Variants in DDX60L observed in about 807,000 individuals in gnomAD.
DDX60L encodes probable ATP-dependent RNA helicase DDX60-like.
A neutral mutation model predicts 211.6 loss-of-function variants in DDX60L; 191 were observed. The ratio of observed to expected loss-of-function variants is 0.90; its 90% CI spans 0.80 to 1.02. DDX60L has a LOEUF of 1.02. Among genes scored for constraint, DDX60L ranks in the 50% least tolerant of loss-of-function variants. The probability of loss-of-function intolerance (pLI) is 0.00; values close to 1 mark genes in which losing one functional copy is unlikely to be tolerated. For missense variants in DDX60L, 2,007 were observed against 1,984.1 expected (o/e 1.01, Z -0.22); for synonymous variants, 706 against 694.1 (o/e 1.02, Z -0.27).
intron 8 of DDX60L, among the ~76,000 whole-genome samples, chr4:168,450,000 T>A (rs1005322910): frequency 5.3e-5 from 8 of 152,094 alleles, no homozygotes; most frequent in Non-Finnish European, 8.8e-5. Flanking sequence ...CAGTTTATAG[T>A]TTGAAACAAA....
At position 168,471,993 on chromosome 4, in the gene DDX60L, C is replaced by A; in HGVS notation, c.75-57G>T. The stretch of plus-strand genomic sequence containing the variant: ...CAGATGTTTCACAGAGACTTTGTTG[C>A]TGTTGTTGTTACTATTATTGCATAA... On this transcript the variant is annotated intron_variant, in intron 3 of 37. Coordinates refer to ENST00000682922, the MANE Select transcript of DDX60L (RefSeq NM_001012967.3). 3.6e-6 allele frequency: 5 copies of A among 1,393,858 alleles called. No individual in the cohort carries two copies. The South Asian group carries it at 6.4e-5, about 18-fold the overall frequency. 86.3% of individuals were successfully genotyped at this position (1,393,858 alleles called of 1,614,324 possible).
intron 26 of DDX60L, among the ~76,000 whole-genome samples, chr4:168,396,400 T>A (rs1745800424): frequency 6.6e-6 from 1 of 151,964 alleles, no homozygotes; most frequent in African/African-American, 2.4e-5. Flanking sequence ...CTCAGGAAAA[T>A]TTCTGCTACT....
intron 9 of DDX60L, 75 bp from the exon 10 acceptor site, chr4:168,441,567 T>A: frequency 2.5e-6 from 3 of 1,217,522 alleles, no homozygotes; most frequent in Non-Finnish European, 3.5e-6. Context: ...CTTTTTTGAA[T>A]AAATTCATAG....
At chr4:168,384,862 T>C in intron 29 of DDX60L, 50 bp from the exon 30 acceptor site, 2 of 1,529,172 alleles carry the variant, frequency 1.3e-6, no homozygotes, top group Non-Finnish European at 1.8e-6. Flanking sequence ...ATAATTATCC[T>C]ATGAAGTCCA....
At chr4:168,432,813 T>C (rs566761442) in intron 11 of DDX60L, among the ~76,000 whole-genome samples, 197 bp downstream of exon 11, 1 of 151,144 alleles carries the variant, frequency 6.6e-6, no homozygotes, top group East Asian at 1.9e-4. Flanking sequence ...TTCAAAATAA[T>C]ATAGATTTTT....
At chr4:168,378,044 C>CT (rs1742287086) in intron 33 of DDX60L, among the ~76,000 whole-genome samples, 1 of 152,134 alleles carries the variant, frequency 6.6e-6, no homozygotes, top group Admixed American at 6.6e-5. Flanking sequence ...CCCAATGGAA[C>CT]TATAGGTTCA....
At chr4:168,358,326 A>G in intron 37 of DDX60L, 50 bp from the exon 38 acceptor site, 1 of 1,308,572 alleles carries the variant, frequency 7.6e-7, no homozygotes. Context: ...ACATTTTTAT[A>G]ACAATCAATA....
intron 14 of DDX60L, among the ~76,000 whole-genome samples, chr4:168,426,385 G>C (rs1398766359): frequency 6.6e-6 from 1 of 152,156 alleles, no homozygotes; most frequent in East Asian, 1.9e-4. Flanking sequence ...CGGAGATAAA[G>C]AGCCCAGGTA....
chr4:168,478,874 G>A (rs1451777760), intron 1 of DDX60L, among the ~76,000 whole-genome samples: 6 of 152,170 alleles, frequency 3.9e-5, no homozygotes, highest in African/African-American at 7.2e-5. Context: ...GAAGGGGAAA[G>A]TAGTAGAGAA....
chr4:168,460,410 C>T (rs1434236599), intron 5 of DDX60L, among the ~76,000 whole-genome samples: 1 of 152,120 alleles, frequency 6.6e-6, no homozygotes, highest in Non-Finnish European at 1.5e-5. Context: ...AGGGTCCTTC[C>T]TCCATGTTAC....
At chr4:168,384,952 G>T in intron 29 of DDX60L, 140 bp from the exon 30 acceptor site, 1 of 892,996 alleles carries the variant, frequency 1.1e-6, no homozygotes, top group Non-Finnish European at 1.7e-6. Flanking sequence ...ATGTTAACAT[G>T]GCACTTAAAA....
At chr4:168,409,295 A>G (rs917250448) in intron 22 of DDX60L, among the ~76,000 whole-genome samples, 1 of 152,202 alleles carries the variant, frequency 6.6e-6, no homozygotes, top group African/African-American at 2.4e-5. Flanking sequence ...TACTCCATTA[A>G]TAGCTACTGA....
chr4:168,464,784 C>T (rs1414369404), intron 4 of DDX60L, among the ~76,000 whole-genome samples: 1 of 152,020 alleles, frequency 6.6e-6, no homozygotes, highest in Non-Finnish European at 1.5e-5. Flanking sequence ...CCCTATGGTG[C>T]AATAATGTCC....
intron 9 of DDX60L, among the ~76,000 whole-genome samples, chr4:168,447,396 G>A (rs962999287): frequency 6.8e-6 from 1 of 147,896 alleles, no homozygotes. Context: ...GTGCTGGAGA[G>A]GATGTGGAGA....
rs191261737 is a variant in DDX60L, at chr4:168,439,659, C to A, written c.1294+1678G>T. On this transcript the variant is annotated intron_variant, in intron 10 of 37. Transcript: ENST00000682922. ...CAGACTATTATTAAAAATCAACAAG[C>A]CAATTATAAAATTTAAATGAAAATG... Among the ~76,000 whole-genome samples the A allele has an allele frequency of 2.8e-3, 426 of 152,102 alleles. 7 individuals are homozygous for A. The highest frequency in any genetic ancestry group is 3.4e-3 in the Non-Finnish European group (230 of 68,000).
In DDX60L at chr4:168,384,728, G is replaced by T; in HGVS notation, c.4000C>A (p.Leu1334Ile). 6.2e-7 allele frequency: 1 copy of T among 1,613,818 alleles called. No homozygotes were observed. Among genetic ancestry groups the T allele is most frequent in the South Asian group, 1.1e-5 (1 of 91,068 alleles). ...FDIPLPKIKR[L>I]LASSVPELRG... is the part of the protein sequence containing the mutation. ...AGCTCAGGAACACTGGATGCAAGGAGTCTTTTTATTTTGGGCAATGGGATA... is the reference window on the plus strand; with the variant it reads ...AGCTCAGGAACACTGGATGCAAGGATTCTTTTTATTTTGGGCAATGGGATA... Residue 1334 changes from leucine to isoleucine, a missense_variant, in exon 30 of 38, where the codon CTC becomes ATC. Coordinates refer to ENST00000682922, the MANE Select transcript of DDX60L (RefSeq NM_001012967.3).
intron 32 of DDX60L, 56 bp from the exon 33 acceptor site, chr4:168,378,531 T>C: frequency 7.5e-7 from 1 of 1,340,114 alleles, no homozygotes; most frequent in Admixed American, 3.1e-5. Context: ...CCATTTATTT[T>C]CTGCCTAAAT....
intron 5 of DDX60L, among the ~76,000 whole-genome samples, chr4:168,459,141 A>G (rs1756968216): frequency 6.6e-6 from 1 of 152,118 alleles, no homozygotes; most frequent in African/African-American, 2.4e-5. Context: ...GGAAATACTT[A>G]TAGATAATGA....
At chr4:168,417,013 C>T (rs1159130098) in intron 19 of DDX60L, among the ~76,000 whole-genome samples, 1 of 152,114 alleles carries the variant, frequency 6.6e-6, no homozygotes, top group Non-Finnish European at 1.5e-5. Flanking sequence ...ATTCCAATTC[C>T]AAAAATCTAT....
Sources: allele counts gnomAD v4.1 joint callset (sites outside exome capture counted in the v4.1 genomes callset), GRCh38; gene constraint gnomAD v4.1.1; transcripts MANE v1.5; gene names NCBI Gene and HGNC (gene_info 2026-07-23, HGNC 2026-07-21).